The following FER variants were observed in gnomAD, a reference collection of about 807,000 sequenced individuals.
The protein encoded by FER is FER tyrosine kinase, also known as tyrosine-protein kinase Fer.
In FER, 63 loss-of-function variants were observed where a neutral mutation model predicts 111.0. The observed-to-expected ratio is 0.57, with a 90% confidence interval of 0.46 to 0.70. FER has a LOEUF of 0.70. Ranked by LOEUF, FER falls within the 30% of genes least tolerant of loss-of-function variation. FER has a pLI of 0.00. For synonymous variants in FER, 327 were observed against 313.9 expected, an observed-to-expected ratio of 1.04 and a Z score of -0.44; for missense variants, 914 against 954.0, an observed-to-expected ratio of 0.96 and a Z score of 0.55.
At chr5:109,133,806 G>A (rs1752615124) in intron 17 of FER, among the ~76,000 whole-genome samples, 1 of 152,036 alleles carries the variant, frequency 6.6e-6, no homozygotes, top group Non-Finnish European at 1.5e-5. Flanking sequence ...TTCTTTTAAA[G>A]CCTATAAACA....
intron 17 of FER, among the ~76,000 whole-genome samples, chr5:109,140,279 AAAG>A (rs1753385189): frequency 6.6e-6 from 1 of 152,186 alleles, no homozygotes; most frequent in African/African-American, 2.4e-5. Context: ...AAATACAAAT[AAAG>A]AAACAGTACA....
rs200711825 is a variant in FER at position 109,022,259 on chromosome 5, A to G, written c.1657-15163A>G. Among the ~76,000 whole-genome samples, 51 of 152,178 alleles carry G rather than the reference A, an allele frequency of 3.4e-4. No individual in the cohort carries two copies. In the East Asian group the frequency reaches 9.5e-3, roughly 28 times the overall value. On this transcript the variant is annotated intron_variant, in intron 13 of 19. Transcript: ENST00000281092. ...GTCTCAAGGGAAGTCCATTGTCTCA[A>G]GGGTGGACCACAGGAAGGGTGGCCA...
intron 10 of FER, among the ~76,000 whole-genome samples, chr5:108,922,807 GAAA>G (rs1413440606): frequency 1.3e-5 from 2 of 152,112 alleles, no homozygotes; most frequent in Non-Finnish European, 2.9e-5. Flanking sequence ...CACTTAAGTA[GAAA>G]AACAAAATTA....
At chr5:108,908,398 C>G (rs1751081965) in intron 10 of FER, among the ~76,000 whole-genome samples, 1 of 151,934 alleles carries the variant, frequency 6.6e-6, no homozygotes, top group African/African-American at 2.4e-5. Context: ...TTTTTTCTGC[C>G]TATACAATAG....
chr5:108,951,085 A>G (rs913040267), intron 11 of FER, among the ~76,000 whole-genome samples: 2 of 152,060 alleles, frequency 1.3e-5, no homozygotes, highest in Non-Finnish European at 1.5e-5. Context: ...ACTGGCCAAC[A>G]TGGTGAAACC....
Position 108,920,731 on chromosome 5 carries a change from C to T in FER, c.1236+22883C>T, listed in dbSNP as rs564251436. ...TTCAGCCAGTTTACCTGTTTGTTCC[C>T]TTGCCCTTTGTAAATTTTATTTTCT... On this transcript the variant is annotated intron_variant, in intron 10 of 19. Coordinates refer to ENST00000281092, the MANE Select transcript of FER (RefSeq NM_005246.4). Among the ~76,000 whole-genome samples, 162 of 152,214 alleles carry T rather than the reference C, an allele frequency of 1.1e-3. 1 individual carries two copies. Among genetic ancestry groups the T allele is most frequent in the African/African-American group, 3.8e-3 (159 of 41,550 alleles).
chr5:108,858,808 G>A (rs531350730), intron 5 of FER, among the ~76,000 whole-genome samples: 23 of 124,374 alleles, frequency 1.8e-4, no homozygotes, highest in African/African-American at 4.3e-4. Flanking sequence ...TCTCTTGCTC[G>A]TTTTTTCATT....
chr5:108,815,736 A>G (rs553154017), intron 3 of FER, among the ~76,000 whole-genome samples: 65 of 152,338 alleles, frequency 4.3e-4, no homozygotes, highest in African/African-American at 1.5e-3. Context: ...GTGATGTTAC[A>G]TATACCACAT....
intron 10 of FER, among the ~76,000 whole-genome samples, chr5:108,904,319 T>C (rs564951010): frequency 6.6e-6 from 1 of 152,258 alleles, no homozygotes; most frequent in Admixed American, 6.5e-5. Flanking sequence ...GGGAGTTATT[T>C]TTATACATAG....
intron 13 of FER, among the ~76,000 whole-genome samples, chr5:109,008,008 T>C (rs1019188533): frequency 1.3e-5 from 2 of 152,312 alleles, no homozygotes; most frequent in Middle Eastern, 3.4e-3. Context: ...TAGTTTTAAT[T>C]TGTATTTCCC....
At chr5:109,014,744 C>T (rs916736187) in intron 13 of FER, 1 of 152,000 alleles carries the variant, frequency 6.6e-6, no homozygotes, top group African/African-American at 2.4e-5. Flanking sequence ...TGTTTGTATC[C>T]TCTTTTATTT....
chr5:109,085,436 G>A (rs183755196), intron 16 of FER, among the ~76,000 whole-genome samples: 1 of 146,670 alleles, frequency 6.8e-6, no homozygotes, highest in African/African-American at 2.5e-5. Flanking sequence ...TAAATTCACT[G>A]TTCTGCCAAA....
chr5:108,954,493 G>A (rs1561672256), intron 11 of FER, among the ~76,000 whole-genome samples: 1 of 151,956 alleles, frequency 6.6e-6, no homozygotes, highest in African/African-American at 2.4e-5. Context: ...AACTCTAAAT[G>A]CTAATATTGT....
At chr5:109,120,378 T>A (rs754655887) in intron 17 of FER, among the ~76,000 whole-genome samples, 1 of 152,154 alleles carries the variant, frequency 6.6e-6, no homozygotes, top group Admixed American at 6.5e-5. Flanking sequence ...CCCTAATGTA[T>A]GCTCTCTCTG....
chr5:109,178,064 T>C (rs1380495590), intron 17 of FER, among the ~76,000 whole-genome samples: 2 of 152,232 alleles, frequency 1.3e-5, no homozygotes, highest in Non-Finnish European at 2.9e-5. Context: ...AAGTGTATGA[T>C]TGCCTTATCT....
intron 1 of FER, among the ~76,000 whole-genome samples, chr5:108,752,757 G>C (rs1405513098): frequency 6.6e-6 from 1 of 151,870 alleles, no homozygotes; most frequent in African/African-American, 2.4e-5. Context: ...ACATAATTCA[G>C]CTTTAAAAAT....
rs187241308 is a variant in FER, at chr5:108,901,178, G to A, written c.1236+3330G>A. ...ATTGGAGATTGGGCTCTTTTCAGAT[G>A]CCAGGTCTGCTAGCACCTTGATCTT... On this transcript the variant is annotated intron_variant, in intron 10 of 19. Transcript: ENST00000281092. Among the ~76,000 whole-genome samples the A allele has an allele frequency of 2.5e-3, 373 of 148,688 alleles. 2 individuals carry two copies. Among genetic ancestry groups the A allele is most frequent in the Admixed American group, 4.0e-3 (59 of 14,788 alleles).
intron 17 of FER, among the ~76,000 whole-genome samples, chr5:109,152,109 T>C (rs1225000281): frequency 6.6e-6 from 1 of 152,096 alleles, no homozygotes; most frequent in Non-Finnish European, 1.5e-5. Flanking sequence ...TACAGATGAT[T>C]TGGTACATAT....
chr5:109,119,508 G>T (rs1039044054), intron 17 of FER, among the ~76,000 whole-genome samples: 1 of 152,184 alleles, frequency 6.6e-6, no homozygotes, highest in African/African-American at 2.4e-5. Context: ...GGAGAGTTCT[G>T]TAGATGTCTG....
Sources: gnomAD v4.1 joint callset for allele counts (sites outside exome capture counted in the v4.1 genomes callset) on GRCh38, gnomAD v4.1.1 for gene constraint, MANE v1.5 for transcripts, NCBI Gene and HGNC (gene_info 2026-07-23, HGNC 2026-07-21) for gene names.